Variants in ABCG1 observed in about 807,000 individuals in gnomAD.
The protein encoded by ABCG1 is ATP binding cassette subfamily G member 1, also known as ATP-binding cassette sub-family G member 1.
Under a neutral mutation model 69.2 loss-of-function variants are expected in ABCG1, and 29 were observed. That is an observed-to-expected ratio of 0.42 (90% CI 0.31 to 0.57). ABCG1 has a LOEUF of 0.57. Ranked by LOEUF, ABCG1 falls within the 20% of genes least tolerant of loss-of-function variation. The probability of loss-of-function intolerance (pLI) is 0.15; values close to 1 mark genes in which losing one functional copy is unlikely to be tolerated. For missense variants in ABCG1, 718 were observed against 898.1 expected, an observed-to-expected ratio of 0.80 and a Z score of 2.56; for synonymous variants, 370 against 374.8, an observed-to-expected ratio of 0.99 and a Z score of 0.15.
intron 2 of ABCG1, among the ~76,000 whole-genome samples, chr21:42,260,569 C>T (rs969570922): frequency 6.6e-6 from 1 of 152,310 alleles, no homozygotes; most frequent in Admixed American, 6.5e-5. Flanking sequence ...CCACCAAACG[C>T]ACACCAACTG....
chr21:42,279,286 G>T (rs1227741645), intron 5 of ABCG1, among the ~76,000 whole-genome samples: 1 of 152,156 alleles, frequency 6.6e-6, no homozygotes, highest in Non-Finnish European at 1.5e-5. Flanking sequence ...AGGGAATTCT[G>T]TCTCTCTGAC....
chr21:42,241,685 C>A (rs1243777197), intron 2 of ABCG1, among the ~76,000 whole-genome samples: 2 of 151,642 alleles, frequency 1.3e-5, no homozygotes, highest in African/African-American at 4.8e-5. Context: ...CTAAGGGATT[C>A]TCTTGCATTA....
At chr21:42,289,685 G>T (rs2069016943) in intron 10 of ABCG1, among the ~76,000 whole-genome samples, 1 of 152,174 alleles carries the variant, frequency 6.6e-6, no homozygotes, top group Non-Finnish European at 1.5e-5. Context: ...TAGAGCCTCT[G>T]ATATAGCCAC....
At chr21:42,280,621 G>A (rs770608557) in intron 5 of ABCG1, among the ~76,000 whole-genome samples, 1 of 152,234 alleles carries the variant, frequency 6.6e-6, no homozygotes, top group East Asian at 1.9e-4. Context: ...ACTCCTGAGC[G>A]GACACTGGAG....
chr21:42,203,583 G>A lies in ABCG1; in HGVS notation c.48+1860G>A, dbSNP rs1398470977. 2.6e-5 allele frequency among the ~76,000 whole-genome samples: 4 copies of A among 152,290 alleles called. No individual in the cohort carries two copies. The East Asian group carries it at 7.7e-4, about 29-fold the overall frequency. On this transcript the variant is annotated intron_variant, in intron 2 of 15. Coordinates refer to the ABCG1 transcript ENST00000398457. ...TATCTTTGAGTGGGTGTGATTCTGG[G>A]TTTTCCATTCTGTTCCATTGGTCTT...
upstream of ABCG1, among the ~76,000 whole-genome samples, chr21:42,215,230 G>A (rs1349482094): frequency 6.6e-6 from 1 of 152,162 alleles, no homozygotes; most frequent in Non-Finnish European, 1.5e-5. Flanking sequence ...GGGACAAGGG[G>A]TCACCCCACC....
Position 42,219,285 on chromosome 21 carries a change from T to G in ABCG1, c.23T>G (p.Phe8Cys). The part of the protein sequence containing the change: MACLMAA[F>C]SVGTAMNASS... ...GGCATGGCCTGTCTGATGGCCGCTT[T>G]CTCGGTCGGCACCGCCATGGTGAGT... The change falls in exon 1 of 15, where the codon TTC (phenylalanine) becomes TGC (cysteine). Residue 8 changes from phenylalanine (F) to cysteine (C), a missense_variant. Around this residue, in one of 2 missense-constraint regions of ABCG1, gnomAD observed 514 missense variants for 574.3 expected, o/e 0.90. Transcript: ENST00000398449. This position sits in a 1 kb window ranked among gnomAD's most constrained non-coding sequence, Gnocchi z 5.3. 6.3e-7 allele frequency: 1 copy of G among 1,592,478 alleles called. No individual in the cohort carries two copies.
At position 42,229,105 on chromosome 21, in the gene ABCG1, G is replaced by A. The variant is rs115373305; in HGVS notation, c.286+3191G>A. The stretch of plus-strand genomic sequence containing the variant: ...TGCTTTTGTCCCTCCAATTGCTGGC[G>A]GTGGTCTCAGTCCCCAGCCATGATT... On this transcript the variant is annotated intron_variant, in intron 2 of 14. Transcript: ENST00000398449. 2.4e-3 allele frequency among the ~76,000 whole-genome samples: 367 copies of A among 152,224 alleles called. 1 individual carries two copies. The highest frequency in any genetic ancestry group is 8.3e-3 in the African/African-American group (345 of 41,534).
chr21:42,277,206 A>T (rs1365815123), intron 5 of ABCG1, among the ~76,000 whole-genome samples: 1 of 152,176 alleles, frequency 6.6e-6, no homozygotes, highest in Non-Finnish European at 1.5e-5. Flanking sequence ...GGGACAACAG[A>T]CTTGGCACTC....
chr21:42,294,753 G>A, intron 14 of ABCG1, 93 bp downstream of exon 14: 2 of 1,165,230 alleles, frequency 1.7e-6, no homozygotes, highest in Admixed American at 1.7e-5. Flanking sequence ...AAGCCACTCT[G>A]GGCTGCTGGC....
intron 2 of ABCG1, among the ~76,000 whole-genome samples, chr21:42,250,044 A>T (rs1410553830): frequency 6.7e-6 from 1 of 149,192 alleles, no homozygotes; most frequent in Non-Finnish European, 1.5e-5. Context: ...AAGAGTCCTC[A>T]CTGGGTGAGG....
chr21:42,218,325 C>T (rs2067665362), upstream of ABCG1, among the ~76,000 whole-genome samples: 1 of 152,082 alleles, frequency 6.6e-6, no homozygotes, highest in East Asian at 1.9e-4. Flanking sequence ...AGGAAATGGC[C>T]CCACTTATAT....
At chr21:42,268,391 G>C (rs1183132569) in intron 2 of ABCG1, among the ~76,000 whole-genome samples, 1 of 138,268 alleles carries the variant, frequency 7.2e-6, no homozygotes, top group Non-Finnish European at 1.7e-5. Flanking sequence ...GTGTGTGTGC[G>C]CGCGCGCGCT....
intron 2 of ABCG1, 33 bp downstream of exon 2, chr21:42,225,947 G>A (rs1177412350): frequency 6.2e-7 from 1 of 1,601,128 alleles, no homozygotes; most frequent in Admixed American, 1.7e-5. Context: ...GTATCAAGCT[G>A]GGAGGAGCCT....
upstream of ABCG1, among the ~76,000 whole-genome samples, chr21:42,211,988 C>T (rs2067594076): frequency 6.6e-6 from 1 of 152,130 alleles, no homozygotes; most frequent in Non-Finnish European, 1.5e-5. Flanking sequence ...GATTGACGAA[C>T]TTATTAAATG....
Sources: gnomAD v4.1 joint callset for allele counts (sites outside exome capture counted in the v4.1 genomes callset) on GRCh38, gnomAD v4.1.1 for gene constraint, gnomAD v4.1.1 regional missense constraint, Gnocchi (gnomAD v3.1) non-coding constraint, MANE v1.5 for transcripts, NCBI Gene and HGNC (gene_info 2026-07-23, HGNC 2026-07-21) for gene names.